IGSF10: variants seen among roughly 807,000 people sequenced by gnomAD.
The protein encoded by IGSF10 is immunoglobulin superfamily member 10.
In IGSF10, 126 loss-of-function variants were observed where a neutral mutation model predicts 128.2. The observed-to-expected ratio is 0.98, with a 90% confidence interval of 0.85 to 1.14. IGSF10 has a LOEUF of 1.14. Ranked by LOEUF, IGSF10 falls within the 50% of genes most tolerant of loss-of-function variation. IGSF10 has a pLI of 0.00. For missense variants in IGSF10, 3,295 were observed against 3,149.8 expected (o/e 1.05, Z -1.10); for synonymous variants, 1,185 against 1,146.2 (o/e 1.03, Z -0.68).
the IGSF10 span, among the ~76,000 whole-genome samples, chr3:151,544,299 C>A: frequency 1.3e-5 from 2 of 152,310 alleles, no homozygotes; most frequent in South Asian, 4.1e-4. Context: ...CTCTGACTGG[C>A]TCTAATTGCT....
the IGSF10 span, among the ~76,000 whole-genome samples, chr3:151,617,585 T>G: frequency 6.6e-6 from 1 of 152,038 alleles, no homozygotes; most frequent in Non-Finnish European, 1.5e-5. Flanking sequence ...CAGATGAAAC[T>G]CTGGACTTTG....
chr3:151,565,923 C>G, the IGSF10 span: 1 of 151,902 alleles, frequency 6.6e-6, no homozygotes, highest in South Asian at 2.1e-4. Flanking sequence ...CTACCAATCT[C>G]TCCCCAGAAA....
upstream of IGSF10, among the ~76,000 whole-genome samples, chr3:151,464,550 C>T (rs1486195466): frequency 6.6e-6 from 1 of 152,164 alleles, no homozygotes; most frequent in Non-Finnish European, 1.5e-5. Context: ...AGTTACAAGT[C>T]ATAGATCACC....
At chr3:151,454,176 C>T (rs552141737) in intron 4 of IGSF10, among the ~76,000 whole-genome samples, 1 of 151,906 alleles carries the variant, frequency 6.6e-6, no homozygotes, top group African/African-American at 2.4e-5. Flanking sequence ...CACCACCATG[C>T]CCAGCTAATT....
At chr3:151,619,430 ATGTGTGTGTGTG>A in the IGSF10 span, among the ~76,000 whole-genome samples, 564 of 144,332 alleles carry the variant, frequency 3.9e-3, 18 homozygotes, top group East Asian at 0.098. Flanking sequence ...ATTACTTTTA[ATGTGTGTGTGTG>A]TGTGTGTGTG....
At chr3:151,493,826 G>A in the IGSF10 span, among the ~76,000 whole-genome samples, 2 of 145,682 alleles carry the variant, frequency 1.4e-5, no homozygotes, top group African/African-American at 5.1e-5. Context: ...CCAATTTTTT[G>A]TGTTTTGTTT....
rs1242995664 is a variant in IGSF10, at chr3:151,437,670, G to A, written c.6891C>T (p.Thr2297=). Residue 2297 remains threonine, a synonymous_variant, in exon 8 of 8, where the codon ACC becomes ACT. Transcript: ENST00000282466. Reference sequence around the variant, plus strand: ...AAAGCCTCACATTCCTAATTTCCAAGGTTCCATTTTTATGGACTGTGATTC... The same window carrying A: ...AAAGCCTCACATTCCTAATTTCCAAAGTTCCATTTTTATGGACTGTGATTC... ...GSRITVHKNG[T]LEIRNVRLSD... 4.3e-6 allele frequency: 7 copies of A among 1,614,140 alleles called. No homozygotes were observed. The highest frequency in any genetic ancestry group is 5.9e-6 in the Non-Finnish European group (7 of 1,180,034).
In IGSF10 at chr3:151,448,307, A is replaced by C. The variant is rs1187950014; in HGVS notation, c.1674T>G (p.Asp558Glu). Residue 558 changes from aspartate (D) to glutamate (E), a missense_variant, in exon 6 of 8, where the codon GAT becomes GAG. Asp to Glu is a conservative substitution (Grantham distance 45). Transcript: ENST00000282466. Reference protein sequence around the residue: ...VYHCISSNYDDADILTYRITV... With the variant: ...VYHCISSNYDEADILTYRITV... ...TTATCCTATAGGTGAGAATATCTGC[A>C]TCATCATAATTGCTGCTTATACAGT... 1 of 1,614,248 alleles carries C rather than the reference A, an allele frequency of 6.2e-7. No homozygotes were observed. Among genetic ancestry groups the C allele is most frequent in the South Asian group, 1.1e-5 (1 of 91,092 alleles).
the IGSF10 span, among the ~76,000 whole-genome samples, chr3:151,589,144 T>C: frequency 6.6e-6 from 1 of 152,184 alleles, no homozygotes; most frequent in African/African-American, 2.4e-5. Context: ...TCAGTAAAAT[T>C]TTATGGAAAA....
chr3:151,492,054 G>A, the IGSF10 span, among the ~76,000 whole-genome samples: 4 of 151,950 alleles, frequency 2.6e-5, no homozygotes, highest in East Asian at 1.9e-4. Context: ...GGAAACAATC[G>A]ACAAAATGAA....
chr3:151,592,501 C>T, the IGSF10 span, among the ~76,000 whole-genome samples: 4 of 152,100 alleles, frequency 2.6e-5, no homozygotes, highest in African/African-American at 9.7e-5. Context: ...ATCCAGATAG[C>T]TATTATGCAC....
At chr3:151,528,722 G>A in the IGSF10 span, among the ~76,000 whole-genome samples, 1 of 152,010 alleles carries the variant, frequency 6.6e-6, no homozygotes, top group African/African-American at 2.4e-5. Context: ...ATTCCCTCTG[G>A]TACCTATGCC....
chr3:151,528,081 T>G, the IGSF10 span, among the ~76,000 whole-genome samples: 2 of 152,206 alleles, frequency 1.3e-5, no homozygotes, highest in Non-Finnish European at 2.9e-5. Flanking sequence ...ACAGTGCTTT[T>G]TTTCCTAGTA....
chr3:151,570,243 T>C, the IGSF10 span, among the ~76,000 whole-genome samples: 1 of 152,322 alleles, frequency 6.6e-6, no homozygotes. Context: ...CCTTTGGGTA[T>C]ATACCCAGTA....
chr3:151,532,309 G>A, the IGSF10 span, among the ~76,000 whole-genome samples: 7,110 of 151,918 alleles, frequency 0.047, 197 homozygotes, highest in Admixed American at 0.066. Flanking sequence ...GAAAAGGAGG[G>A]AATCCTAATT....
the IGSF10 span, among the ~76,000 whole-genome samples, chr3:151,559,742 G>A: frequency 6.6e-6 from 1 of 152,072 alleles, no homozygotes; most frequent in Non-Finnish European, 1.5e-5. Flanking sequence ...AGTGGTCCTC[G>A]CCTATCCTGA....
At chr3:151,616,475 G>A in the IGSF10 span, among the ~76,000 whole-genome samples, 2 of 152,138 alleles carry the variant, frequency 1.3e-5, no homozygotes, top group Non-Finnish European at 2.9e-5. Context: ...TTAAAGGAGA[G>A]AGTGGTTTTG....
the IGSF10 span, among the ~76,000 whole-genome samples, chr3:151,513,573 C>T: frequency 6.6e-6 from 1 of 152,124 alleles, no homozygotes; most frequent in Non-Finnish European, 1.5e-5. Flanking sequence ...GACAGGGATG[C>T]CCTCTCTCAC....
intron 4 of IGSF10, among the ~76,000 whole-genome samples, chr3:151,454,584 AGGTTTTT>A (rs1721685766): frequency 1.4e-5 from 1 of 69,938 alleles, no homozygotes; most frequent in Admixed American, 1.5e-4. Context: ...AATTTTTATA[AGGTTTTT>A]TTTTTAAGTC....
Sources: allele counts gnomAD v4.1 joint callset (sites outside exome capture counted in the v4.1 genomes callset), GRCh38; gene constraint gnomAD v4.1.1; transcripts MANE v1.5; gene names NCBI Gene and HGNC (gene_info 2026-07-23, HGNC 2026-07-21).